The following WSCD1 variants were observed in gnomAD, a reference collection of about 807,000 sequenced individuals.
The protein encoded by WSCD1 is sialate:O-sulfotransferase 1.
A neutral mutation model predicts 60.4 loss-of-function variants in WSCD1; 41 were observed. That is an observed-to-expected ratio of 0.68 (90% CI 0.53 to 0.88). The LOEUF (loss-of-function observed/expected upper bound fraction) is 0.88. Ranked by LOEUF, WSCD1 falls within the 40% of genes least tolerant of loss-of-function variation. The pLI, the probability that WSCD1 is intolerant of heterozygous loss-of-function variation, is 0.00. For missense variants in WSCD1, 784 were observed against 796.2 expected, an observed-to-expected ratio of 0.98 and a Z score of 0.18; for synonymous variants, 361 against 332.5, an observed-to-expected ratio of 1.09 and a Z score of -0.93.
At chr17:6,072,422 A>G (rs1482171939) in intron 1 of WSCD1, among the ~76,000 whole-genome samples, 4 of 152,188 alleles carry the variant, frequency 2.6e-5, no homozygotes, top group Non-Finnish European at 5.9e-5. Flanking sequence ...CCAGGCCCTG[A>G]TGGAACCCCT....
At chr17:6,092,207 G>T (rs1290607582) in intron 4 of WSCD1, among the ~76,000 whole-genome samples, 1 of 151,782 alleles carries the variant, frequency 6.6e-6, no homozygotes, top group South Asian at 2.1e-4. Context: ...CTTCACAGGG[G>T]TTCTGGGGAG....
intron 4 of WSCD1, among the ~76,000 whole-genome samples, chr17:6,092,985 G>A (rs1910156618): frequency 6.6e-6 from 1 of 152,240 alleles, no homozygotes; most frequent in Admixed American, 6.5e-5. Flanking sequence ...AGGTGACCAG[G>A]TGACCACCAT....
intron 1 of WSCD1, among the ~76,000 whole-genome samples, chr17:6,071,910 T>A (rs1455968728): frequency 6.6e-6 from 1 of 152,192 alleles, no homozygotes; most frequent in Non-Finnish European, 1.5e-5. Flanking sequence ...CTCAACCGGC[T>A]GCCAGAGCTC....
intron 1 of WSCD1, among the ~76,000 whole-genome samples, chr17:6,072,796 C>T (rs1908622628): frequency 2.0e-5 from 3 of 152,308 alleles, no homozygotes; most frequent in South Asian, 4.1e-4. Context: ...ATGGCTTTGA[C>T]AATCGTGCTG....
At chr17:6,096,982 G>T (rs1910477669) in intron 5 of WSCD1, among the ~76,000 whole-genome samples, 1 of 152,252 alleles carries the variant, frequency 6.6e-6, no homozygotes, top group South Asian at 2.1e-4. Context: ...CCCAATGGGG[G>T]ATACTCAGAT....
upstream of WSCD1, among the ~76,000 whole-genome samples, chr17:6,070,019 G>C (rs1453921115): frequency 1.3e-5 from 2 of 151,896 alleles, no homozygotes; most frequent in African/African-American, 4.8e-5. Flanking sequence ...GAGTCTGCAT[G>C]GGAGAGTGGC....
At chr17:6,091,893 A>G (rs561937701) in intron 4 of WSCD1, among the ~76,000 whole-genome samples, 3 of 152,218 alleles carry the variant, frequency 2.0e-5, no homozygotes, top group Non-Finnish European at 4.4e-5. Context: ...GCGGTGGCTC[A>G]CGCCTGTAAT....
At chr17:6,085,984 T>C (rs971713135) in intron 2 of WSCD1, among the ~76,000 whole-genome samples, 9 of 152,046 alleles carry the variant, frequency 5.9e-5, no homozygotes, top group Non-Finnish European at 1.3e-4. Flanking sequence ...TGGCCATGTG[T>C]GCTGATGGGC....
At chr17:6,092,501 G>A (rs1910124510) in intron 4 of WSCD1, among the ~76,000 whole-genome samples, 1 of 152,166 alleles carries the variant, frequency 6.6e-6, no homozygotes, top group Non-Finnish European at 1.5e-5. Flanking sequence ...GAACTTGGCA[G>A]TGTCTCACCG....
At chr17:6,069,962 G>A (rs1908422626), upstream of WSCD1, among the ~76,000 whole-genome samples, 1 of 151,334 alleles carries the variant, frequency 6.6e-6, no homozygotes, top group South Asian at 2.1e-4. Flanking sequence ...TCTCTGGGAA[G>A]CAGTGATTCG....
chr17:6,092,225 G>C (rs1158267695), intron 4 of WSCD1, among the ~76,000 whole-genome samples: 2 of 151,468 alleles, frequency 1.3e-5, no homozygotes, highest in Non-Finnish European at 2.9e-5. Flanking sequence ...GAGGGCTGTC[G>C]AGTGAGTTTT....
chr17:6,084,458 A>G (rs1040943969), intron 2 of WSCD1, among the ~76,000 whole-genome samples: 1 of 152,222 alleles, frequency 6.6e-6, no homozygotes, highest in Non-Finnish European at 1.5e-5. Context: ...GCCTCAAACA[A>G]AGCGGGTGTC....
At chr17:6,091,817 G>C (rs1047004444) in intron 4 of WSCD1, among the ~76,000 whole-genome samples, 1 of 152,172 alleles carries the variant, frequency 6.6e-6, no homozygotes, top group Non-Finnish European at 1.5e-5. Context: ...AGGGCTCCAG[G>C]AGAGCTGACG....
upstream of WSCD1, among the ~76,000 whole-genome samples, chr17:6,069,463 A>C (rs1908392872): frequency 7.4e-6 from 1 of 135,278 alleles, no homozygotes; most frequent in African/African-American, 2.8e-5. Flanking sequence ...CTGTGGGTCA[A>C]TGCCCAGTAT....
intron 5 of WSCD1, among the ~76,000 whole-genome samples, chr17:6,096,721 C>T (rs1910459543): frequency 1.3e-5 from 2 of 152,338 alleles, no homozygotes; most frequent in East Asian, 1.9e-4. Context: ...AGCAAGGATG[C>T]GCGCTCAGCT....
In WSCD1 at chr17:6,090,383, C is replaced by T. The variant is rs112671953; in HGVS notation, c.605C>T (p.Ala202Val). Residue 202 changes from alanine to valine, a missense_variant, in exon 4 of 9, where the codon GCG becomes GTG. Physicochemically the swap from Ala to Val is moderately conservative, Grantham distance 64 (BLOSUM62 0). Coordinates refer to ENST00000317744, the MANE Select transcript of WSCD1 (RefSeq NM_015253.2). ...AECYCGNRLPAVSVGLEECNH... is the reference protein window; with the variant it reads ...AECYCGNRLPVVSVGLEECNH... ...TGTTACTGCGGGAACCGGCTGCCAG[C>T]GGTGAGCGTGGGGCTGGAAGAGTGT... The T allele has an allele frequency of 8.0e-5, 128 of 1,609,596 alleles. 4 individuals are homozygous for T. The African/African-American group carries it at 1.0e-3, about 13-fold the overall frequency.
At position 6,110,780 on chromosome 17, in the gene WSCD1, G is replaced by A. The variant is rs770056292; in HGVS notation, c.1019G>A (p.Cys340Tyr). ...ACTTTTGGACTTTCAGACACTCGTT[G>A]TACAGACAGGAGGTTCCTGCCTAAC... ...VYQTPVQDTR[C>Y]TDRRFLPNKS... Residue 340 changes from cysteine (C) to tyrosine (Y), a missense_variant, in exon 7 of 9, where the codon TGT (cysteine) becomes TAT (tyrosine). Cys to Tyr is a radical substitution (Grantham distance 194). Coordinates refer to ENST00000317744, the MANE Select transcript of WSCD1 (RefSeq NM_015253.2). The surrounding 1 kb of genome is among the most constrained non-coding windows in gnomAD (Gnocchi z 4.8). The A allele has an allele frequency of 3.7e-6, 6 of 1,612,484 alleles. No homozygotes were observed. The highest frequency in any genetic ancestry group is 2.5e-6 in the Non-Finnish European group (3 of 1,178,830).
At chr17:6,089,028 C>T (rs141552357) in intron 3 of WSCD1, among the ~76,000 whole-genome samples, 2,386 of 151,984 alleles carry the variant, frequency 0.016, 32 homozygotes, top group Non-Finnish European at 0.026. Flanking sequence ...ATGATCTGCC[C>T]GCCTCAGCCT....
intron 7 of WSCD1, among the ~76,000 whole-genome samples, chr17:6,111,677 G>A (rs914188847): frequency 2.1e-5 from 3 of 146,190 alleles, no homozygotes; most frequent in Non-Finnish European, 3.0e-5. Context: ...CTCCAGCCTG[G>A]GCAACAGAGT....
Sources: gnomAD v4.1 joint callset for allele counts (sites outside exome capture counted in the v4.1 genomes callset) on GRCh38, gnomAD v4.1.1 for gene constraint, Gnocchi (gnomAD v3.1) non-coding constraint, MANE v1.5 for transcripts, NCBI Gene and HGNC (gene_info 2026-07-23, HGNC 2026-07-21) for gene names.